DNAH9: variants seen among roughly 807,000 people sequenced by gnomAD.
DNAH9 encodes the protein DNAH9 variant protein.
A neutral mutation model predicts 471.6 loss-of-function variants in DNAH9; 345 were observed. The ratio of observed to expected loss-of-function variants is 0.73; its 90% CI spans 0.67 to 0.80. DNAH9 has a LOEUF of 0.80. Ranked by LOEUF, DNAH9 falls within the 30% of genes least tolerant of loss-of-function variation. DNAH9 has a pLI of 0.00. For missense variants in DNAH9, 5,407 were observed against 5,609.2 expected (o/e 0.96, Z 1.15); for synonymous variants, 2,093 against 2,123.6 (o/e 0.99, Z 0.40).
chr17:11,817,826 T>C (rs1487547583), intron 45 of DNAH9, among the ~76,000 whole-genome samples: 1 of 152,208 alleles, frequency 6.6e-6, no homozygotes, highest in Non-Finnish European at 1.5e-5. Context: ...AGAATAGAAA[T>C]TAAATAAGTT....
chr17:11,798,037 A>G (rs534318880), intron 43 of DNAH9, among the ~76,000 whole-genome samples: 1 of 152,252 alleles, frequency 6.6e-6, no homozygotes, highest in Admixed American at 6.5e-5. Flanking sequence ...TATCCCGGGC[A>G]TAATCACAGT....
intron 34 of DNAH9, among the ~76,000 whole-genome samples, 154 bp from the exon 35 acceptor site, chr17:11,757,391 A>C (rs1967443070): frequency 2.6e-5 from 4 of 152,160 alleles, no homozygotes. Context: ...CCTCAATAGC[A>C]AACCCATTTA....
chr17:11,741,483 A>G (rs2075432467), intron 29 of DNAH9, among the ~76,000 whole-genome samples: 1 of 152,232 alleles, frequency 6.6e-6, no homozygotes, highest in African/African-American at 2.4e-5. Flanking sequence ...CCTCATCATT[A>G]GAAATTTACA....
chr17:11,959,520 A>C (rs1387782311), intron 67 of DNAH9, among the ~76,000 whole-genome samples: 1 of 152,238 alleles, frequency 6.6e-6, no homozygotes, highest in Admixed American at 6.5e-5. Context: ...AGATATAAGC[A>C]GCATATTAAA....
At chr17:11,677,732 G>T (rs549856183) in intron 17 of DNAH9, among the ~76,000 whole-genome samples, 2 of 151,628 alleles carry the variant, frequency 1.3e-5, no homozygotes, top group African/African-American at 4.8e-5. Context: ...CTGCTTTGGG[G>T]TATAATTTTT....
chr17:11,734,028 C>T (rs544265771), intron 28 of DNAH9, among the ~76,000 whole-genome samples: 28 of 152,216 alleles, frequency 1.8e-4, no homozygotes, highest in African/African-American at 6.3e-4. Context: ...GATGGGGCAG[C>T]GTGGCCCAGT....
chr17:11,969,269 T>C (rs1438196870), intron 68 of DNAH9, 31 bp from the exon 69 acceptor site: 37 of 1,602,450 alleles, frequency 2.3e-5, no homozygotes, highest in Non-Finnish European at 3.2e-5. Flanking sequence ...GGGTCTGATC[T>C]AAGGTGCCTC....
chr17:11,922,069 C>T (rs529697224), intron 61 of DNAH9, among the ~76,000 whole-genome samples: 6 of 152,292 alleles, frequency 3.9e-5, no homozygotes, highest in Admixed American at 3.3e-4. Context: ...GTTTTGCCAA[C>T]TAAGATTTAT....
chr17:11,748,569 C>T (rs547334976), intron 32 of DNAH9, among the ~76,000 whole-genome samples: 5 of 152,260 alleles, frequency 3.3e-5, no homozygotes, highest in South Asian at 2.1e-4. Context: ...GAACCTTGTG[C>T]GCATGCCAGG....
intron 45 of DNAH9, 117 bp from the exon 46 acceptor site, chr17:11,821,803 T>G (rs1367313177): frequency 8.9e-7 from 1 of 1,128,040 alleles, no homozygotes; most frequent in Non-Finnish European, 1.3e-6. Context: ...AGCAAGAGAG[T>G]TGGTACATGG....
intron 17 of DNAH9, among the ~76,000 whole-genome samples, chr17:11,678,981 A>G (rs1263172623): frequency 1.3e-5 from 2 of 152,100 alleles, no homozygotes; most frequent in African/African-American, 2.4e-5. Context: ...CAGCAGTCTA[A>G]TCCCTTTTCA....
chr17:11,747,262 T>A (rs1273394786), intron 31 of DNAH9, among the ~76,000 whole-genome samples: 1 of 152,206 alleles, frequency 6.6e-6, no homozygotes, highest in Non-Finnish European at 1.5e-5. Flanking sequence ...GACTTTCTTC[T>A]CCATCACACT....
chr17:11,615,596 A>G (rs963885635), intron 4 of DNAH9, among the ~76,000 whole-genome samples: 1 of 148,918 alleles, frequency 6.7e-6, no homozygotes, highest in Non-Finnish European at 1.5e-5. Context: ...ACCCCAAAAG[A>G]AAAAAAAAAG....
chr17:11,707,959 CCACACACACACACACA>C (rs756020074), intron 26 of DNAH9, among the ~76,000 whole-genome samples: 2,059 of 106,240 alleles, frequency 0.019, 19 homozygotes, highest in East Asian at 0.054. Flanking sequence ...GCCTCTCCCA[CCACACACACACACACA>C]CACACACACA....
intron 36 of DNAH9, among the ~76,000 whole-genome samples, 187 bp downstream of exon 36, chr17:11,763,801 A>T (rs943896564): frequency 2.6e-5 from 4 of 152,176 alleles, no homozygotes; most frequent in Non-Finnish European, 5.9e-5. Flanking sequence ...TCATAGGGTG[A>T]GATACATGAG....
chr17:11,619,058 C>T (rs980383926), intron 5 of DNAH9, among the ~76,000 whole-genome samples: 2 of 152,210 alleles, frequency 1.3e-5, no homozygotes, highest in Admixed American at 6.5e-5. Context: ...GCTTCAGCCC[C>T]GACTTGCAAT....
At chr17:11,642,569 C>T (rs1394796905) in intron 10 of DNAH9, among the ~76,000 whole-genome samples, 1 of 152,144 alleles carries the variant, frequency 6.6e-6, no homozygotes, top group Non-Finnish European at 1.5e-5. Context: ...AAAGTGTATT[C>T]TATTCTATAA....
In DNAH9 at chr17:11,920,264, G is replaced by A. The variant is rs907387634; in HGVS notation, c.11750-3550G>A. Among the ~76,000 whole-genome samples, 7 of 151,580 alleles carry A rather than the reference G, an allele frequency of 4.6e-5. No homozygotes were observed. In the East Asian group the frequency reaches 1.2e-3, roughly 26 times the overall value. On this transcript the variant is annotated intron_variant, in intron 61 of 68. Coordinates refer to ENST00000262442, the MANE Select transcript of DNAH9 (RefSeq NM_001372.4). The stretch of plus-strand genomic sequence containing the variant: ...TTGGTGAGGCTGGCCTTGAACTCCC[G>A]ACCTCAGGTGATCCACCTGCCTCAG...
At chr17:11,902,979 C>T in intron 60 of DNAH9, 67 bp downstream of exon 60, 2 of 1,519,744 alleles carry the variant, frequency 1.3e-6, no homozygotes, top group Non-Finnish European at 1.8e-6. Flanking sequence ...GACAACTGGA[C>T]CAGCAGGGCT....
Sources: gnomAD v4.1 joint callset for allele counts (sites outside exome capture counted in the v4.1 genomes callset) on GRCh38, gnomAD v4.1.1 for gene constraint, MANE v1.5 for transcripts, NCBI Gene and HGNC (gene_info 2026-07-23, HGNC 2026-07-21) for gene names.